TOR1AIP2: variants seen among roughly 807,000 people sequenced by gnomAD.
TOR1AIP2 encodes torsin-1A-interacting protein 2.
In TOR1AIP2, 20 loss-of-function variants were observed where a neutral mutation model predicts 32.6. That is an observed-to-expected ratio of 0.61 (90% CI 0.43 to 0.89). The LOEUF is 0.89. TOR1AIP2 is among the 40% of genes least tolerant of loss of function. TOR1AIP2 has a pLI of 0.00. For synonymous variants in TOR1AIP2, 214 were observed against 210.8 expected (o/e 1.02, Z -0.13); for missense variants, 456 against 553.8 (o/e 0.82, Z 1.77).
intron 2 of TOR1AIP2, among the ~76,000 whole-genome samples, chr1:179,876,566 T>C (rs1381903492): frequency 6.6e-6 from 1 of 152,176 alleles, no homozygotes; most frequent in African/African-American, 2.4e-5. Context: ...TCCAAAAACA[T>C]CTGTAGTTAC....
At position 179,846,789 on chromosome 1, in the gene TOR1AIP2, G is replaced by A; in HGVS notation, c.695C>T (p.Ala232Val). 1 of 1,608,894 alleles carries A rather than the reference G, an allele frequency of 6.2e-7. No individual in the cohort carries two copies. The change falls in exon 7 of 7, where the codon GCA (alanine) becomes GTA (valine). Residue 232 changes from alanine (A) to valine (V), a missense_variant. Transcript: ENST00000609928. ...ILVVLVVAVV[A>V]SSVNSYYSSP... ...GGAATAGTAGCTATTCACAGAACTT[G>A]CCACAACAGCCACAACCAGGACGAC...
At chr1:179,860,509 T>C in intron 3 of TOR1AIP2, 9 of 985,412 alleles carry the variant, frequency 9.1e-6, no homozygotes, top group Non-Finnish European at 1.1e-5. Context: ...CAAGTAAGAC[T>C]CTACCTTATT....
At position 179,842,545 on chromosome 1, in the gene TOR1AIP2, T is replaced by C. The variant is rs553532443; in HGVS notation, c.*3526A>G. On this transcript the variant is annotated 3_prime_UTR_variant, in exon 7 of 7. Transcript: ENST00000609928. ...AGTTTCTGATTCTACCAATTGGTTC[T>C]ACAATTCTGGGATTACTCAAGAAGT... The C allele has an allele frequency of 1.5e-4, 23 of 152,238 alleles. No individual in the cohort carries two copies. Among genetic ancestry groups the C allele is most frequent in the Non-Finnish European group, 2.9e-4 (20 of 68,036 alleles). 9.4% of individuals were successfully genotyped at this position (152,238 alleles called of 1,614,324 possible). A position where few individuals can be genotyped will look rare whatever the true frequency, so the allele number is the denominator to read the frequency against.
Position 179,845,025 on chromosome 1 carries a change from C to T in TOR1AIP2, c.*1046G>A, listed in dbSNP as rs1695847131. On this transcript the variant is annotated 3_prime_UTR_variant, in exon 7 of 7. Transcript: ENST00000609928. ...AGCATCAGAGACATGCTAGTAAATG[C>T]TAGCTTATACATTCTGCTGTTCATG... The T allele has an allele frequency of 6.6e-6, 1 of 152,144 alleles. No individual in the cohort carries two copies. The highest frequency in any genetic ancestry group is 1.5e-5 in the Non-Finnish European group (1 of 68,008). 9.4% of individuals were successfully genotyped at this position (152,144 alleles called of 1,614,324 possible).
At chr1:179,851,734 G>A (rs1015415833) in intron 4 of TOR1AIP2, among the ~76,000 whole-genome samples, 2 of 152,202 alleles carry the variant, frequency 1.3e-5, no homozygotes, top group East Asian at 1.9e-4. Flanking sequence ...TGAACCCAGC[G>A]ACCAATCTTC....
chr1:179,877,182 A>G (rs1319525725), intron 2 of TOR1AIP2, 57 bp downstream of exon 2: 3 of 151,742 alleles, frequency 2.0e-5, no homozygotes, highest in Non-Finnish European at 4.4e-5. Context: ...AACCCATTTA[A>G]TATTTATAAG....
chr1:179,876,477 A>C (rs2148463118), intron 2 of TOR1AIP2, among the ~76,000 whole-genome samples: 1 of 152,270 alleles, frequency 6.6e-6, no homozygotes, highest in East Asian at 1.9e-4. Flanking sequence ...GTTCAGCATA[A>C]TAAACATTAC....
intron 3 of TOR1AIP2, chr1:179,861,644 AATT>A (rs1407803734): frequency 5.1e-6 from 5 of 985,320 alleles, no homozygotes; most frequent in Non-Finnish European, 6.0e-6. Flanking sequence ...TTATGACCTA[AATT>A]ATTAACAGTG....
At chr1:179,867,023 C>T (rs17279559) in intron 2 of TOR1AIP2, among the ~76,000 whole-genome samples, 7,636 of 152,018 alleles carry the variant, frequency 0.05, 303 homozygotes, top group Non-Finnish European at 0.067. Flanking sequence ...TAATAAGAGA[C>T]GCTGGGGAGG....
In TOR1AIP2 at chr1:179,865,485, A is replaced by G. The variant is rs1207668372; in HGVS notation, c.-196T>C. 3.2e-6 allele frequency: 1 copy of G among 307,962 alleles called. No homozygotes were observed. Among genetic ancestry groups the G allele is most frequent in the African/African-American group, 2.2e-5 (1 of 46,332 alleles). The allele number at this position is 307,962 out of a possible 1,614,324, so 19.1% of individuals were successfully genotyped here. A position where few individuals can be genotyped will look rare whatever the true frequency, so the allele number is the denominator to read the frequency against. On this transcript the variant is annotated 5_prime_UTR_variant, in exon 3 of 7. Transcript: ENST00000609928. ...TCCTTCAAATCCCAGCTTCTCAAGA[A>G]GAGATAGGGCTCTAGTCTAAATTAG...
chr1:179,858,182 CAT>C (rs1696378097), intron 3 of TOR1AIP2, among the ~76,000 whole-genome samples: 1 of 151,650 alleles, frequency 6.6e-6, no homozygotes, highest in African/African-American at 2.4e-5. Context: ...TATGTACATA[CAT>C]ATATATGTTT....
intron 3 of TOR1AIP2, among the ~76,000 whole-genome samples, chr1:179,858,033 G>A (rs2148437912): frequency 6.6e-6 from 1 of 151,938 alleles, no homozygotes; most frequent in Non-Finnish European, 1.5e-5. Flanking sequence ...TCACACGCCT[G>A]TAATCCCAGC....
rs1695879890 is a variant in TOR1AIP2, at chr1:179,845,769, T to C, written c.*302A>G. On this transcript the variant is annotated 3_prime_UTR_variant, in exon 7 of 7. Coordinates refer to ENST00000609928, the MANE Select transcript of TOR1AIP2 (RefSeq NM_001199260.2). Reference sequence around the variant, plus strand: ...AGTTACTCTAAGAAGTAAGAGTATCTTCCTGTGCAATGTTGCTATATTTTA... The same window carrying C: ...AGTTACTCTAAGAAGTAAGAGTATCCTCCTGTGCAATGTTGCTATATTTTA... 1.2e-5 allele frequency: 3 copies of C among 252,952 alleles called. No homozygotes were observed. Among genetic ancestry groups the C allele is most frequent in the Non-Finnish European group, 2.2e-5 (3 of 133,772 alleles). The allele number at this position is 252,952 out of a possible 1,614,324, so 15.7% of individuals were successfully genotyped here.
intron 3 of TOR1AIP2, 62 bp from the exon 4 acceptor site, chr1:179,852,873 T>C: frequency 8.4e-7 from 1 of 1,185,222 alleles, no homozygotes; most frequent in South Asian, 2.5e-5. Flanking sequence ...AATGCAAGTA[T>C]CAGCTTTATT....
intron 3 of TOR1AIP2, chr1:179,862,386 G>A (rs1285353797): frequency 3.0e-6 from 3 of 985,144 alleles, no homozygotes; most frequent in Admixed American, 6.2e-5. Context: ...GGAGTTGTAG[G>A]ATAGTGAAAT....
At chr1:179,863,600 G>A (rs1343913928) in intron 3 of TOR1AIP2, 2 of 983,952 alleles carry the variant, frequency 2.0e-6, no homozygotes, top group African/African-American at 1.8e-5. Context: ...AGACCGAGGT[G>A]GGAGGATGGC....
chr1:179,872,897 T>C (rs1386885311), intron 2 of TOR1AIP2, among the ~76,000 whole-genome samples: 1 of 152,260 alleles, frequency 6.6e-6, no homozygotes, highest in African/African-American at 2.4e-5. Flanking sequence ...CTTTTTATTT[T>C]GAACTAATTT....
At chr1:179,848,043 A>AC (rs1695980408) in intron 5 of TOR1AIP2, among the ~76,000 whole-genome samples, 1 of 151,932 alleles carries the variant, frequency 6.6e-6, no homozygotes, top group Non-Finnish European at 1.5e-5. Context: ...AGAAAAAAAA[A>AC]AAAAAAAAAC....
chr1:179,872,647 A>G (rs1697054753), intron 2 of TOR1AIP2, among the ~76,000 whole-genome samples: 1 of 152,246 alleles, frequency 6.6e-6, no homozygotes, highest in Non-Finnish European at 1.5e-5. Flanking sequence ...CAAATTCTAC[A>G]GATATTTTCT....
Sources: allele counts gnomAD v4.1 joint callset (sites outside exome capture counted in the v4.1 genomes callset), GRCh38; gene constraint gnomAD v4.1.1; transcripts MANE v1.5; gene names NCBI Gene and HGNC (gene_info 2026-07-23, HGNC 2026-07-21).